Variants in SH3RF2 observed in about 807,000 individuals in gnomAD.
SH3RF2 encodes the protein SH3 domain containing ring finger 2.
Under a neutral mutation model 59.0 loss-of-function variants are expected in SH3RF2, and 43 were observed. The ratio of observed to expected loss-of-function variants is 0.73; its 90% confidence interval spans 0.57 to 0.94. The LOEUF (loss-of-function observed/expected upper bound fraction) is 0.94, where lower values mean the gene tolerates loss of function less well. Among genes scored for constraint, SH3RF2 ranks in the 40% least tolerant of loss-of-function variants. The probability of loss-of-function intolerance (pLI) is 0.00; values close to 1 mark genes in which losing one functional copy is unlikely to be tolerated. For synonymous variants in SH3RF2, 391 were observed against 391.5 expected, an observed-to-expected ratio of 1.00 and a Z score of 0.01; for missense variants, 930 against 940.1, an observed-to-expected ratio of 0.99 and a Z score of 0.14.
intron 1 of SH3RF2, 149 bp from the exon 2 acceptor site, chr5:145,937,674 T>C (rs977629997): frequency 3.5e-5 from 18 of 513,924 alleles, no homozygotes; most frequent in African/African-American, 3.3e-4. Flanking sequence ...TTATACCTGC[T>C]AGCATTGAAT....
At chr5:145,952,220 T>C (rs1157336512) in intron 2 of SH3RF2, among the ~76,000 whole-genome samples, 1 of 152,152 alleles carries the variant, frequency 6.6e-6, no homozygotes, top group Non-Finnish European at 1.5e-5. Flanking sequence ...ATAAGCATAA[T>C]GGGGTTTTGT....
intron 5 of SH3RF2, among the ~76,000 whole-genome samples, chr5:146,045,655 T>C (rs1030023636): frequency 1.1e-4 from 16 of 152,242 alleles, no homozygotes; most frequent in African/African-American, 3.1e-4. Context: ...TATGTATCAA[T>C]ACTTCATTCT....
chr5:146,033,450 G>GC (rs199632557), intron 5 of SH3RF2, among the ~76,000 whole-genome samples: 3 of 41,514 alleles, frequency 7.2e-5, no homozygotes, highest in Non-Finnish European at 1.0e-4. Flanking sequence ...CTAGCCCTTA[G>GC]CTTTTTTTTT....
chr5:145,945,699 C>T (rs1757983058), intron 2 of SH3RF2, among the ~76,000 whole-genome samples: 1 of 152,040 alleles, frequency 6.6e-6, no homozygotes, highest in Admixed American at 6.5e-5. Flanking sequence ...AGAGGAGAGG[C>T]AGAGTGACTA....
At chr5:145,997,403 C>G in intron 2 of SH3RF2, 1 of 1,273,774 alleles carries the variant, frequency 7.9e-7, no homozygotes, top group African/African-American at 1.5e-5. Flanking sequence ...GCTTTGCTTC[C>G]ATCTACACTG....
rs926811832 is a variant in SH3RF2 at position 146,021,565 on chromosome 5, G to T, written c.1059+7504G>T. Among the ~76,000 whole-genome samples the T allele has an allele frequency of 3.3e-5, 5 of 152,268 alleles. No homozygotes were observed. The South Asian group carries it at 1.0e-3, about 32-fold the overall frequency. On this transcript the variant is annotated intron_variant, in intron 5 of 9. Transcript: ENST00000359120. ...CTTTTATAGGGCCTACTGAGTGTCTGAAATGTGTTTGTTAAATTTTTGAAA... is the reference window on the plus strand; with the variant it reads ...CTTTTATAGGGCCTACTGAGTGTCTTAAATGTGTTTGTTAAATTTTTGAAA...
chr5:145,937,975 T>C lies in SH3RF2; in HGVS notation c.47T>C (p.Phe16Ser), dbSNP rs34739859. ...LLDLLECPVC[F>S]EKLDVTAKVL... is the part of the protein sequence containing the mutation. ...GATCTTCTGGAGTGCCCTGTGTGCT[T>C]TGAGAAGCTCGATGTCACAGCCAAA... Residue 16 changes from phenylalanine (F) to serine (S), a missense_variant, in exon 2 of 10, where the codon TTT becomes TCT. Coordinates refer to ENST00000359120, the MANE Select transcript of SH3RF2 (RefSeq NM_152550.4). The C allele has an allele frequency of 1.1e-5, 18 of 1,614,078 alleles. No homozygotes were observed. The African/African-American group carries it at 2.3e-4, about 20-fold the overall frequency.
At position 146,000,163 on chromosome 5, in the gene SH3RF2, T is replaced by C. The variant is rs200412759; in HGVS notation, c.484T>C (p.Trp162Arg). ...TCTCCGGAGACAGCTTGATGAGAAT[T>C]GGTACCAGGGGGAAATCAATGGCAT... The part of the protein sequence containing the change: ...ILLRRQLDEN[W>R]YQGEINGISG... Residue 162 changes from tryptophan to arginine, a missense_variant, in exon 3 of 10, where the codon TGG becomes CGG. Physicochemically the swap from Trp to Arg is moderately radical, Grantham distance 101. Transcript: ENST00000359120. 2 of 1,613,852 alleles carry C rather than the reference T, an allele frequency of 1.2e-6. No individual in the cohort carries two copies. Among genetic ancestry groups the C allele is most frequent in the East Asian group, 4.5e-5 (2 of 44,858 alleles).
At chr5:146,013,679 G>C (rs1760993876) in intron 4 of SH3RF2, 68 bp from the exon 5 acceptor site, 1 of 1,567,998 alleles carries the variant, frequency 6.4e-7, no homozygotes. Context: ...AGATGTACAT[G>C]GGTAGGAACT....
chr5:146,024,651 C>G (rs1241798396), intron 5 of SH3RF2, among the ~76,000 whole-genome samples: 2 of 152,106 alleles, frequency 1.3e-5, no homozygotes, highest in Non-Finnish European at 2.9e-5. Context: ...GTATTTATCA[C>G]TGCATTTTTT....
At chr5:145,954,183 A>G (rs1481605332) in intron 2 of SH3RF2, among the ~76,000 whole-genome samples, 1 of 152,222 alleles carries the variant, frequency 6.6e-6, no homozygotes, top group Admixed American at 6.5e-5. Flanking sequence ...AACAGTGTAT[A>G]AGGATTCCCT....
intron 2 of SH3RF2, among the ~76,000 whole-genome samples, chr5:145,940,860 GA>G (rs76421266): frequency 0.097 from 14,769 of 152,206 alleles, 1,059 homozygotes; most frequent in East Asian, 0.26. Flanking sequence ...GAGAGCCTTA[GA>G]TGAAAGACAT....
At chr5:146,019,424 G>C (rs995643288) in intron 5 of SH3RF2, among the ~76,000 whole-genome samples, 9 of 152,048 alleles carry the variant, frequency 5.9e-5, no homozygotes, top group Non-Finnish European at 1.5e-5. Flanking sequence ...GTTTAAAAGT[G>C]TTTGGCTTTA....
intron 4 of SH3RF2, among the ~76,000 whole-genome samples, chr5:146,013,513 A>G (rs139134170): frequency 6.6e-6 from 1 of 152,318 alleles, no homozygotes; most frequent in African/African-American, 2.4e-5. Flanking sequence ...GGACCTCAGT[A>G]AAAGAGTAAT....
intron 2 of SH3RF2, among the ~76,000 whole-genome samples, chr5:145,969,536 G>A (rs1758991654): frequency 6.6e-6 from 1 of 152,232 alleles, no homozygotes; most frequent in Non-Finnish European, 1.5e-5. Flanking sequence ...CTTGGTTTAT[G>A]TAACAGCTAC....
intron 9 of SH3RF2, among the ~76,000 whole-genome samples, chr5:146,076,406 G>C (rs1763342644): frequency 6.6e-6 from 1 of 152,192 alleles, no homozygotes; most frequent in South Asian, 2.1e-4. Context: ...TAGGCACAGG[G>C]AGGAGAGGCA....
At chr5:146,051,545 T>C (rs1201924504) in intron 7 of SH3RF2, among the ~76,000 whole-genome samples, 1 of 152,150 alleles carries the variant, frequency 6.6e-6, no homozygotes, top group Non-Finnish European at 1.5e-5. Context: ...AAAGATAAAA[T>C]GTCAGGTGTG....
chr5:145,999,016 C>T (rs1434244909), intron 2 of SH3RF2, among the ~76,000 whole-genome samples: 6 of 113,768 alleles, frequency 5.3e-5, no homozygotes, highest in African/African-American at 1.8e-4. Flanking sequence ...ATTTAAAATA[C>T]TTTATTACTA....
chr5:146,057,555 T>A (rs922260264), intron 8 of SH3RF2, among the ~76,000 whole-genome samples: 1 of 152,212 alleles, frequency 6.6e-6, no homozygotes, highest in Non-Finnish European at 1.5e-5. Flanking sequence ...GAAACATTAG[T>A]TTTTTATAGT....
Sources: allele counts gnomAD v4.1 joint callset (sites outside exome capture counted in the v4.1 genomes callset), GRCh38; gene constraint gnomAD v4.1.1; transcripts MANE v1.5; gene names NCBI Gene and HGNC (gene_info 2026-07-23, HGNC 2026-07-21).